Variants in USH2A observed in about 807,000 individuals in gnomAD.
The protein encoded by USH2A is usherin.
USH2A carries 443 observed loss-of-function variants against 538.9 expected under a neutral mutation model. The observed-to-expected ratio is 0.82, with a 90% CI of 0.76 to 0.89. The LOEUF is 0.89. USH2A is among the 40% of genes least tolerant of loss of function. The pLI, the probability that USH2A is intolerant of heterozygous loss-of-function variation, is 0.00. For synonymous variants in USH2A, 2,413 were observed against 2,273.5 expected, an observed-to-expected ratio of 1.06 and a Z score of -1.75; for missense variants, 6,633 against 6,324.8, an observed-to-expected ratio of 1.05 and a Z score of -1.65.
At chr1:215,741,592 A>T in intron 59 of USH2A, 55 bp from the exon 60 acceptor site, 2 of 1,581,830 alleles carry the variant, frequency 1.3e-6, no homozygotes, top group Non-Finnish European at 1.7e-6. Context: ...GAAAAGAACT[A>T]CATATTCATA....
intron 38 of USH2A, among the ~76,000 whole-genome samples, chr1:215,917,768 A>C: frequency 7.5e-6 from 1 of 134,208 alleles, no homozygotes; most frequent in Non-Finnish European, 1.6e-5. Context: ...ACATAGTGAA[A>C]CCCTATCACT....
intron 47 of USH2A, among the ~76,000 whole-genome samples, chr1:215,829,865 G>T (rs114837756): frequency 3.5e-4 from 53 of 152,134 alleles, no homozygotes; most frequent in Middle Eastern, 6.8e-3. Context: ...GCTTCTGACT[G>T]GGGGGGAAAA....
At chr1:215,922,001 G>T (rs1194265783) in intron 38 of USH2A, among the ~76,000 whole-genome samples, 2 of 152,034 alleles carry the variant, frequency 1.3e-5, no homozygotes, top group Non-Finnish European at 2.9e-5. Context: ...CTACTCTGGA[G>T]TTGTGTTTGT....
At chr1:216,172,177 A>G (rs1330804430) in intron 21 of USH2A, among the ~76,000 whole-genome samples, 2 of 152,126 alleles carry the variant, frequency 1.3e-5, no homozygotes, top group African/African-American at 2.4e-5. Context: ...TGAAAGAGGC[A>G]TAAGTTGTGT....
intron 67 of USH2A, among the ~76,000 whole-genome samples, chr1:215,646,053 CTA>C (rs1404786722): frequency 1.3e-5 from 2 of 151,910 alleles, no homozygotes; most frequent in African/African-American, 4.8e-5. Context: ...AAAAAGCTGA[CTA>C]TGAAATTTTA....
intron 9 of USH2A, among the ~76,000 whole-genome samples, chr1:216,303,602 G>A (rs138678436): frequency 0.03 from 4,523 of 151,894 alleles, 105 homozygotes; most frequent in Middle Eastern, 0.068. Context: ...CCTTTCTTAA[G>A]TATTGCTGCA....
rs756541958 is a variant in USH2A, at chr1:215,782,095, A to G, written c.10687T>C (p.Tyr3563His). ...DKEGIQPFQEYSYQLKACTVA... is the reference protein window; with the variant it reads ...DKEGIQPFQEHSYQLKACTVA... ...GTGCAAGCTTTCAGCTGATATGAAT[A>G]TTCCTGAAATGGTTGAATTCCCTCT... The change falls in exon 54 of 72, where the codon TAT (tyrosine) becomes CAT (histidine). Residue 3563 changes from tyrosine to histidine, a missense_variant. Tyr to His is a moderately conservative substitution (Grantham distance 83). Transcript: ENST00000307340. 3.7e-6 allele frequency: 6 copies of G among 1,613,892 alleles called. No homozygotes were observed. The African/African-American group carries it at 8.0e-5, about 22-fold the overall frequency.
chr1:216,333,710 G>GC (rs2102668288), intron 4 of USH2A, among the ~76,000 whole-genome samples: 1 of 152,142 alleles, frequency 6.6e-6, no homozygotes, highest in Admixed American at 6.6e-5. Context: ...CTTGAAAGCA[G>GC]CAAGTGAGAA....
chr1:215,648,210 T>C (rs878883107), intron 66 of USH2A, among the ~76,000 whole-genome samples: 2 of 152,264 alleles, frequency 1.3e-5, no homozygotes, highest in Non-Finnish European at 2.9e-5. Flanking sequence ...GTAGAAGGAA[T>C]GCTTCCAGAT....
chr1:216,409,232 C>A (rs1474023418), intron 3 of USH2A, among the ~76,000 whole-genome samples: 1 of 152,086 alleles, frequency 6.6e-6, no homozygotes, highest in African/African-American at 2.4e-5. Flanking sequence ...ATGACACAAA[C>A]AGATATCATT....
chr1:215,947,435 C>T (rs1666786711), intron 37 of USH2A, among the ~76,000 whole-genome samples: 1 of 152,170 alleles, frequency 6.6e-6, no homozygotes, highest in Non-Finnish European at 1.5e-5. Context: ...CATTATATTT[C>T]TATTAGGCAG....
At chr1:215,743,643 A>G (rs953477069) in intron 58 of USH2A, among the ~76,000 whole-genome samples, 15 of 151,452 alleles carry the variant, frequency 9.9e-5, no homozygotes, top group African/African-American at 3.6e-4. Context: ...CCTGGCCAAC[A>G]TGGTGAAACC....
At chr1:216,245,470 TGAGAGAGA>T (rs10535828) in intron 13 of USH2A, among the ~76,000 whole-genome samples, 2,038 of 114,226 alleles carry the variant, frequency 0.018, 26 homozygotes, top group African/African-American at 0.037. Flanking sequence ...AGTCCCCTTC[TGAGAGAGA>T]GAGAGAGAGA....
chr1:215,900,139 C>G lies in USH2A; in HGVS notation c.7530G>C (p.Leu2510Phe). 1 of 1,613,778 alleles carries G rather than the reference C, an allele frequency of 6.2e-7. No homozygotes were observed. The highest frequency in any genetic ancestry group is 1.1e-5 in the South Asian group (1 of 91,086). The change falls in exon 40 of 72, where the codon TTG becomes TTC. Residue 2510 changes from leucine (L) to phenylalanine (F), a missense_variant. Physicochemically the swap from Leu to Phe is conservative, Grantham distance 22. Coordinates refer to ENST00000307340, the MANE Select transcript of USH2A (RefSeq NM_206933.4). ...LQPYTEYMFR[L>F]VASNGFGSAH... ...CACTGCCAAATCCATTGGAGGCAAC[C>G]AACCGAAACATATACTCTGTGTACG... is the stretch of plus-strand genomic sequence containing the variant.
At chr1:215,764,877 G>T (rs1474248602) in intron 56 of USH2A, among the ~76,000 whole-genome samples, 1 of 151,636 alleles carries the variant, frequency 6.6e-6, no homozygotes, top group Non-Finnish European at 1.5e-5. Flanking sequence ...TATTCAGCCA[G>T]AAAATGGCCC....
intron 19 of USH2A, among the ~76,000 whole-genome samples, chr1:216,191,616 T>C (rs139233684): frequency 1.7e-3 from 257 of 152,124 alleles, no homozygotes; most frequent in Non-Finnish European, 3.0e-3. Context: ...TCATTATTGA[T>C]ATAATGAAGA....
At chr1:215,905,025 A>T (rs1665598451) in intron 38 of USH2A, among the ~76,000 whole-genome samples, 1 of 152,142 alleles carries the variant, frequency 6.6e-6, no homozygotes, top group African/African-American at 2.4e-5. Flanking sequence ...CATGTCCTAA[A>T]CTTCTCTAAG....
At chr1:215,785,516 A>G (rs1661773321) in intron 52 of USH2A, among the ~76,000 whole-genome samples, 1 of 152,162 alleles carries the variant, frequency 6.6e-6, no homozygotes, top group Non-Finnish European at 1.5e-5. Flanking sequence ...TTGGTAACTG[A>G]GATAAGGTTT....
At chr1:215,662,449 C>A (rs1657470699) in intron 64 of USH2A, among the ~76,000 whole-genome samples, 2 of 152,142 alleles carry the variant, frequency 1.3e-5, no homozygotes, top group South Asian at 4.1e-4. Context: ...AGATTGCCAA[C>A]AACAGAAGCT....
Sources: gnomAD v4.1 joint callset for allele counts (sites outside exome capture counted in the v4.1 genomes callset) on GRCh38, gnomAD v4.1.1 for gene constraint, MANE v1.5 for transcripts, NCBI Gene and HGNC (gene_info 2026-07-23, HGNC 2026-07-21) for gene names.